The following ZYG11B variants were observed in gnomAD, a reference collection of about 807,000 sequenced individuals.
ZYG11B encodes the protein protein zyg-11 homolog B.
In ZYG11B, 36 loss-of-function variants were observed where a neutral mutation model predicts 82.4. That is an observed-to-expected ratio of 0.44 (90% CI 0.33 to 0.58). The LOEUF (loss-of-function observed/expected upper bound fraction) is 0.58, where lower values mean the gene tolerates loss of function less well. Among genes scored for constraint, ZYG11B ranks in the 20% least tolerant of loss-of-function variants. The probability of loss-of-function intolerance (pLI) is 0.02; values close to 1 mark genes in which losing one functional copy is unlikely to be tolerated. For missense variants in ZYG11B, 552 were observed against 895.6 expected (o/e 0.62, Z 4.90); for synonymous variants, 303 against 312.8 (o/e 0.97, Z 0.33).
At chr1:52,818,630 G>A (rs1190529253) in intron 13 of ZYG11B, among the ~76,000 whole-genome samples, 1 of 152,110 alleles carries the variant, frequency 6.6e-6, no homozygotes, top group Admixed American at 6.6e-5. Flanking sequence ...GGGAGATGGG[G>A]AGGGGAGAGA....
At chr1:52,748,591 G>T (rs1644494630) in intron 1 of ZYG11B, among the ~76,000 whole-genome samples, 2 of 152,244 alleles carry the variant, frequency 1.3e-5, no homozygotes. Context: ...GGCTGGGCAT[G>T]GTGGCACATG....
chr1:52,759,151 T>G (rs1465794750), intron 2 of ZYG11B, among the ~76,000 whole-genome samples: 3 of 152,066 alleles, frequency 2.0e-5, no homozygotes, highest in Non-Finnish European at 4.4e-5. Context: ...AGGTTGATCT[T>G]GAACTCCTGA....
intron 1 of ZYG11B, among the ~76,000 whole-genome samples, chr1:52,732,900 G>C (rs1644345975): frequency 6.6e-6 from 1 of 152,088 alleles, no homozygotes; most frequent in African/African-American, 2.4e-5. Context: ...CTTGAACCCG[G>C]GGGGCGCGGA....
chr1:52,786,174 A>G (rs949536846), intron 5 of ZYG11B, among the ~76,000 whole-genome samples: 10 of 152,230 alleles, frequency 6.6e-5, no homozygotes, highest in African/African-American at 2.4e-4. Context: ...GAACATATTT[A>G]ATAGTATTGA....
At chr1:52,812,023 C>G (rs1353027787) in intron 10 of ZYG11B, among the ~76,000 whole-genome samples, 1 of 151,262 alleles carries the variant, frequency 6.6e-6, no homozygotes, top group Non-Finnish European at 1.5e-5. Context: ...AGCGAGACTC[C>G]ATCTAAAAAA....
At chr1:52,743,192 C>T (rs537121306) in intron 1 of ZYG11B, among the ~76,000 whole-genome samples, 1 of 151,790 alleles carries the variant, frequency 6.6e-6, no homozygotes, top group South Asian at 2.1e-4. Context: ...GTAGGAGACT[C>T]CATTTGGTTC....
chr1:52,773,971 T>TGGA (rs1472927455), intron 3 of ZYG11B, among the ~76,000 whole-genome samples: 29 of 151,078 alleles, frequency 1.9e-4, no homozygotes, highest in Admixed American at 4.0e-4. Context: ...GATGGATGAG[T>TGGA]GGAGATCTTA....
At chr1:52,772,982 T>C (rs924764760) in intron 3 of ZYG11B, among the ~76,000 whole-genome samples, 2 of 151,946 alleles carry the variant, frequency 1.3e-5, no homozygotes, top group African/African-American at 4.8e-5. Flanking sequence ...CAGCTACATA[T>C]ACTGTTTTTA....
chr1:52,813,438 C>T lies in ZYG11B; in HGVS notation c.1696-98C>T. 3 of 898,230 alleles carry T rather than the reference C, an allele frequency of 3.3e-6. No individual in the cohort carries two copies. The South Asian group carries it at 5.8e-5, about 17-fold the overall frequency. The allele number at this position is 898,230 out of a possible 1,614,324, so 55.6% of individuals were successfully genotyped here. On this transcript the variant is annotated intron_variant, in intron 10 of 13. Coordinates refer to ENST00000294353, the MANE Select transcript of ZYG11B (RefSeq NM_024646.3). ...TCTCAGGGAAATACTTTTCTTTCAC[C>T]TTCCTGAATTGCCTGTTATCCAGGG...
intron 6 of ZYG11B, among the ~76,000 whole-genome samples, 196 bp downstream of exon 6, chr1:52,790,263 G>A (rs114197534): frequency 0.018 from 2,686 of 152,134 alleles, 84 homozygotes; most frequent in African/African-American, 0.061. Flanking sequence ...ATTGACCCAT[G>A]TTTTCATAGT....
chr1:52,772,322 C>T, intron 3 of ZYG11B: 2 of 1,431,484 alleles, frequency 1.4e-6, no homozygotes, highest in Non-Finnish European at 2.0e-6. Context: ...AATTTAGCAT[C>T]CTTATCCTTT....
rs751920808 is a variant in ZYG11B, at chr1:52,793,868, T to TTTCCTTCCTTCC, written c.1335-2401_1335-2390dup. 4.7e-3 allele frequency among the ~76,000 whole-genome samples: 451 copies of TTTCCTTCCTTCC among 95,448 alleles called. 4 individuals carry two copies. Among genetic ancestry groups the TTTCCTTCCTTCC allele is most frequent in the Admixed American group, 6.8e-3 (60 of 8,830 alleles). 62.6% of individuals were successfully genotyped at this position (95,448 alleles called of 152,430 possible). A position where few individuals can be genotyped will look rare whatever the true frequency, so the allele number is the denominator to read the frequency against. ...TTTCTTTCTTTCTTCCTTTTCTTTCTTTCCTTCCTTCCTTCCTTCCTTCCT... is the reference window on the plus strand; with the variant it reads ...TTTCTTTCTTTCTTCCTTTTCTTTCTTTCCTTCCTTCCTTCCTTCCTTCCTTCCTTCCTTCCT... On this transcript the variant is annotated intron_variant, in intron 6 of 13. Coordinates refer to ENST00000294353, the MANE Select transcript of ZYG11B (RefSeq NM_024646.3).
chr1:52,781,543 A>T (rs1248750235), intron 4 of ZYG11B, among the ~76,000 whole-genome samples: 1 of 152,244 alleles, frequency 6.6e-6, no homozygotes, highest in South Asian at 2.1e-4. Context: ...ACTCCCAAAA[A>T]TTTAGATTCA....
At chr1:52,749,076 G>A (rs1644500440) in intron 1 of ZYG11B, among the ~76,000 whole-genome samples, 1 of 151,812 alleles carries the variant, frequency 6.6e-6, no homozygotes, top group Admixed American at 6.6e-5. Flanking sequence ...GGTGCCGCGT[G>A]CCTGTAATCC....
At chr1:52,750,271 CTAT>C (rs1281717556) in intron 1 of ZYG11B, among the ~76,000 whole-genome samples, 1 of 108,110 alleles carries the variant, frequency 9.2e-6, no homozygotes, top group African/African-American at 4.9e-5. Flanking sequence ...CCCCCAGCAA[CTAT>C]TTTTTTTTTT....
At chr1:52,743,974 C>G (rs1305676329) in intron 1 of ZYG11B, among the ~76,000 whole-genome samples, 1 of 151,966 alleles carries the variant, frequency 6.6e-6, no homozygotes, top group East Asian at 1.9e-4. Context: ...GCTCTGTCAC[C>G]CAGACTGGAG....
At chr1:52,764,062 A>G (rs1238948380) in intron 2 of ZYG11B, among the ~76,000 whole-genome samples, 1 of 152,110 alleles carries the variant, frequency 6.6e-6, no homozygotes, top group Non-Finnish European at 1.5e-5. Context: ...ATGCATCTGT[A>G]TTTTACTCCT....
chr1:52,762,977 G>GC (rs1491157825), intron 2 of ZYG11B, among the ~76,000 whole-genome samples: 5 of 76,658 alleles, frequency 6.5e-5, no homozygotes, highest in African/African-American at 2.4e-4. Context: ...GTGAGAGATT[G>GC]GGGGGGGGGG....
At chr1:52,819,371 A>G (rs562685689) in intron 13 of ZYG11B, among the ~76,000 whole-genome samples, 2 of 152,226 alleles carry the variant, frequency 1.3e-5, no homozygotes, top group East Asian at 1.9e-4. Flanking sequence ...AGGACTCCCA[A>G]ATTTCTTAAC....
Sources: gnomAD v4.1 joint callset for allele counts (sites outside exome capture counted in the v4.1 genomes callset) on GRCh38, gnomAD v4.1.1 for gene constraint, MANE v1.5 for transcripts, NCBI Gene and HGNC (gene_info 2026-07-23, HGNC 2026-07-21) for gene names.